Variants in KIF12 observed in about 807,000 individuals in gnomAD.
The protein encoded by KIF12 is kinesin family member 12, also known as kinesin-like protein KIF12.
Under a neutral mutation model 87.9 loss-of-function variants are expected in KIF12, and 80 were observed. The ratio of observed to expected loss-of-function variants is 0.91; its 90% CI spans 0.76 to 1.10. The LOEUF (loss-of-function observed/expected upper bound fraction) is 1.10. KIF12 is among the 50% of genes least tolerant of loss of function. The pLI is 0.00. For missense variants in KIF12, 819 were observed against 865.3 expected (o/e 0.95, Z 0.67); for synonymous variants, 353 against 348.5 (o/e 1.01, Z -0.14).
At chr9:114,098,218 T>G (rs1258881385) in intron 4 of KIF12, 28 bp from the exon 5 acceptor site, 2 of 1,532,242 alleles carry the variant, frequency 1.3e-6, no homozygotes, top group Admixed American at 4.1e-5. Flanking sequence ...GTGGCTGGAC[T>G]CCGGCGGCTA....
At chr9:114,092,032 C>G (rs1434835129) in intron 18 of KIF12, 32 bp from the exon 19 acceptor site, 1 of 1,587,968 alleles carries the variant, frequency 6.3e-7, no homozygotes, top group Non-Finnish European at 8.6e-7. Context: ...GGCCTGCCCT[C>G]TCCAGGGCCC....
chr9:114,096,825 C>A (rs1480748162), intron 7 of KIF12, among the ~76,000 whole-genome samples: 1 of 152,132 alleles, frequency 6.6e-6, no homozygotes, highest in Non-Finnish European at 1.5e-5. Context: ...ATCTCCAGTG[C>A]CTGCCAAAGG....
Position 114,098,193 on chromosome 9 carries a change from G to A in KIF12, c.300-3C>T. 1 of 1,544,738 alleles carries A rather than the reference G, an allele frequency of 6.5e-7. No individual in the cohort carries two copies. Among genetic ancestry groups the A allele is most frequent in the East Asian group, 2.5e-5 (1 of 40,212 alleles). ...AGGTGAAAACAGTGCAGGAGAAACT[G>A]CGGGCGGCAAGGGCGTGGCTGGACT... On this transcript the variant is annotated splice_polypyrimidine_tract_variant and splice_region_variant and intron_variant, in intron 4 of 18. Coordinates refer to ENST00000640217, the MANE Select transcript of KIF12 (RefSeq NM_001388308.1).
In KIF12 at chr9:114,098,915, TAGAG is replaced by T. The variant is rs772351384; in HGVS notation, c.171+16_171+19del. 3.9e-5 allele frequency: 60 copies of T among 1,543,850 alleles called. No individual in the cohort carries two copies. The African/African-American group carries it at 6.2e-4, about 16-fold the overall frequency. ...TCCCCGGGATTTTTTATTGGGGAGA[TAGAG>T]AGAGGGGTTCCTCACCTGCAGAGTC... On this transcript the variant is annotated intron_variant, in intron 3 of 18. Transcript: ENST00000640217.
Position 114,097,730 on chromosome 9 carries a change from C to A in KIF12, c.387G>T (p.Val129=). The change falls in exon 6 of 19, where the codon GTG becomes GTT. Residue 129 remains valine (V), a synonymous_variant. Coordinates refer to ENST00000640217, the MANE Select transcript of KIF12 (RefSeq NM_001388308.1). Reference sequence around the variant, plus strand: ...TGCCAGCCAGGCTGGGGGGTACAGGCACCCCCTCCCCCTAGGGGCAAAACC... The same window carrying A: ...TGCCAGCCAGGCTGGGGGGTACAGGAACCCCCTCCCCCTAGGGGCAAAACC... ...LTGPPPQGEG[V]PVPPSLAGIM... The A allele has an allele frequency of 1.9e-6, 3 of 1,613,666 alleles. No individual in the cohort carries two copies. The highest frequency in any genetic ancestry group is 2.7e-5 in the African/African-American group (2 of 75,042).
intron 2 of KIF12, 31 bp downstream of exon 2, chr9:114,099,073 C>T (rs746769094): frequency 1.3e-4 from 208 of 1,550,458 alleles, no homozygotes; most frequent in South Asian, 1.3e-3. Flanking sequence ...CCTTGTCTCG[C>T]CCAGGTGCCT....
intron 3 of KIF12, 95 bp downstream of exon 3, chr9:114,098,840 G>A: frequency 2.1e-6 from 3 of 1,402,692 alleles, no homozygotes; most frequent in Non-Finnish European, 1.9e-6. Flanking sequence ...GGACCACTCC[G>A]GGGGAGCGCG....
In KIF12 at chr9:114,095,038, T is replaced by C. The variant is rs776075516; in HGVS notation, c.1104A>G (p.Arg368=). 1.9e-6 allele frequency: 3 copies of C among 1,599,254 alleles called. No homozygotes were observed. The African/African-American group carries it at 4.0e-5, about 21-fold the overall frequency. ...CTATACTCACCTTGGGGGCCTGTGGTCGGGTGGTGACCCGCTGAGCTCGGC... is the reference window on the plus strand; with the variant it reads ...CTATACTCACCTTGGGGGCCTGTGGCCGGGTGGTGACCCGCTGAGCTCGGC... ...YASRAQRVTT[R]PQAPKSPVAK... is the part of the protein sequence containing the mutation. The change falls in exon 11 of 19, where the codon CGA becomes CGG. Residue 368 remains arginine (R), a synonymous_variant. Transcript: ENST00000640217.
intron 6 of KIF12, 28 bp downstream of exon 6, chr9:114,097,579 T>C: frequency 3.1e-6 from 5 of 1,612,560 alleles, no homozygotes; most frequent in Non-Finnish European, 4.2e-6. Context: ...CCTCATGGGC[T>C]GTCTTTCTAT....
Position 114,091,736 on chromosome 9 carries a change from C to T in KIF12, c.*125G>A. 3 of 1,054,932 alleles carry T rather than the reference C, an allele frequency of 2.8e-6. No individual in the cohort carries two copies. Among genetic ancestry groups the T allele is most frequent in the Non-Finnish European group, 4.0e-6 (3 of 749,988 alleles). The allele number at this position is 1,054,932 out of a possible 1,614,324, so 65.3% of individuals were successfully genotyped here. On this transcript the variant is annotated 3_prime_UTR_variant, in exon 19 of 19. Coordinates refer to ENST00000640217, the MANE Select transcript of KIF12 (RefSeq NM_001388308.1). ...CCTAAATAGCACCCCCAGTCCCCGC[C>T]CCTAGCCCAGCTGCAGGTGGAGTAG... is the stretch of plus-strand genomic sequence containing the variant.
intron 13 of KIF12, 75 bp downstream of exon 13, chr9:114,094,106 G>A (rs994576424): frequency 5.4e-6 from 8 of 1,489,730 alleles, no homozygotes; most frequent in Middle Eastern, 1.7e-4. Flanking sequence ...GCAGGGAGAG[G>A]AGGCAGTTTG....
At chr9:114,094,543 C>T (rs1588502555) in intron 11 of KIF12, 88 bp from the exon 12 acceptor site, 3 of 752,398 alleles carry the variant, frequency 4.0e-6, no homozygotes, top group East Asian at 5.1e-5. Flanking sequence ...GTAACTGGGG[C>T]CTAAAATCCA....
chr9:114,096,320 A>G, intron 8 of KIF12, 67 bp downstream of exon 8: 3 of 1,594,236 alleles, frequency 1.9e-6, no homozygotes, highest in Non-Finnish European at 2.6e-6. Context: ...AAGTTGGTTT[A>G]TATGTCCAGA....
Position 114,096,495 on chromosome 9 carries a change from T to G in KIF12, c.647-17A>C. The stretch of plus-strand genomic sequence containing the variant: ...GGCTGAGACCTGGAAGGGAAAAACA[T>G]CAGGAGCTGGACCTGGTAGGAAGAA... On this transcript the variant is annotated splice_polypyrimidine_tract_variant and intron_variant, in intron 7 of 18. Transcript: ENST00000640217. 1.3e-6 allele frequency: 2 copies of G among 1,590,840 alleles called. No individual in the cohort carries two copies. The highest frequency in any genetic ancestry group is 1.7e-6 in the Non-Finnish European group (2 of 1,164,994).
In KIF12 at chr9:114,096,170, G is replaced by A. The variant is rs1209349639; in HGVS notation, c.776C>T (p.Pro259Leu). Reference sequence around the variant, plus strand: ...CACAAAGCACAGCTTCCCACCAACAGGGGGCTCCCCAGGGTCCACAGAAGG... The same window carrying A: ...CACAAAGCACAGCTTCCCACCAACAAGGGGCTCCCCAGGGTCCACAGAAGG... ...QMPSVDPGEP[P>L]VGGKLCFVDL... The change falls in exon 9 of 19, where the codon CCT becomes CTT. Residue 259 changes from proline to leucine, a missense_variant. Pro to Leu is a moderately conservative substitution (Grantham distance 98, BLOSUM62 -3). Transcript: ENST00000640217. 6.2e-7 allele frequency: 1 copy of A among 1,613,856 alleles called. No homozygotes were observed. The highest frequency in any genetic ancestry group is 2.2e-5 in the East Asian group (1 of 44,892).
intron 3 of KIF12, 35 bp downstream of exon 3, chr9:114,098,900 T>A (rs1847363671): frequency 6.5e-7 from 1 of 1,537,328 alleles, no homozygotes; most frequent in Non-Finnish European, 8.8e-7. Context: ...TCCCCGGGAT[T>A]TTTTATTGGG....
At position 114,095,128 on chromosome 9, in the gene KIF12, C is replaced by G; in HGVS notation, c.1015-1G>C. Reference sequence around the variant, plus strand: ...GGGCTGAGGGGGACACGCAGGCCACCTGGGGAGTGCACTCCCCCTGAGCGC... The same window carrying G: ...GGGCTGAGGGGGACACGCAGGCCACGTGGGGAGTGCACTCCCCCTGAGCGC... On this transcript the variant is annotated splice_acceptor_variant, in intron 10 of 18. Transcript: ENST00000640217. LOFTEE classifies it high-confidence loss of function. 1 of 1,605,980 alleles carries G rather than the reference C, an allele frequency of 6.2e-7. No individual in the cohort carries two copies. The highest frequency in any genetic ancestry group is 8.5e-7 in the Non-Finnish European group (1 of 1,175,882).
At chr9:114,098,518 C>A in intron 3 of KIF12, 89 bp from the exon 4 acceptor site, 6 of 880,646 alleles carry the variant, frequency 6.8e-6, no homozygotes, top group Non-Finnish European at 9.0e-6. Context: ...GGGCGGGGCA[C>A]GCGGGAGGAG....
chr9:114,094,323 C>T, intron 12 of KIF12, 30 bp downstream of exon 12: 1 of 1,609,992 alleles, frequency 6.2e-7, no homozygotes, highest in Non-Finnish European at 8.5e-7. Flanking sequence ...ACCCTATCCC[C>T]ATCCTACTCT....
Sources: gnomAD v4.1 joint callset for allele counts (sites outside exome capture counted in the v4.1 genomes callset) on GRCh38, gnomAD v4.1.1 for gene constraint, MANE v1.5 for transcripts, NCBI Gene and HGNC (gene_info 2026-07-23, HGNC 2026-07-21) for gene names.